Variants in CSMD1 observed in about 807,000 individuals in gnomAD.
CSMD1 encodes CUB and sushi domain-containing protein 1.
In CSMD1, 213 loss-of-function variants were observed where a neutral mutation model predicts 417.5. That is an observed-to-expected ratio of 0.51 (90% CI 0.46 to 0.57). The LOEUF is 0.57. Among genes scored for constraint, CSMD1 ranks in the 20% least tolerant of loss-of-function variants. The probability of loss-of-function intolerance (pLI) is 0.00; values close to 1 mark genes in which losing one functional copy is unlikely to be tolerated. For missense variants in CSMD1, 6,923 were observed against 4,529.7 expected, an observed-to-expected ratio of 1.53 and a Z score of -15.17; for synonymous variants, 2,862 against 1,736.8, an observed-to-expected ratio of 1.65 and a Z score of -16.11.
chr8:3,586,225 T>C lies in CSMD1; in HGVS notation c.1133A>G (p.Asn378Ser), dbSNP rs777685797. Residue 378 changes from asparagine to serine, a missense_variant, in exon 9 of 70, where the codon AAT becomes AGT. Physicochemically the swap from Asn to Ser is conservative, Grantham distance 46. Coordinates refer to ENST00000635120, the MANE Select transcript of CSMD1 (RefSeq NM_033225.6). ...GANVQFSCED[N>S]YVLQGSKSIT... ...GCTTTTAGATCCCTGGAGCACGTAA[T>C]TGTCCTCACATGAAAACTGTACATT... 1.8e-5 allele frequency: 29 copies of C among 1,612,284 alleles called. 1 individual carries two copies. The South Asian group carries it at 2.0e-4, about 11-fold the overall frequency.
At chr8:4,892,233 T>C (rs1176244874) in intron 1 of CSMD1, among the ~76,000 whole-genome samples, 4 of 152,102 alleles carry the variant, frequency 2.6e-5, no homozygotes, top group Non-Finnish European at 4.4e-5. Context: ...GCCAATAAAA[T>C]AGTGCTCTTC....
chr8:3,654,076 C>A lies in CSMD1; in HGVS notation c.1010-37279G>T, dbSNP rs58587540. 4.4e-3 allele frequency among the ~76,000 whole-genome samples: 676 copies of A among 152,238 alleles called. 4 individuals are homozygous for A. Among genetic ancestry groups the A allele is most frequent in the African/African-American group, 0.016 (663 of 41,528 alleles). Reference sequence around the variant, plus strand: ...AATTAGGCAGAAATCACTGTAATAACGTCTCTTTTCTGTTAGAGTAGAGGG... The same window carrying A: ...AATTAGGCAGAAATCACTGTAATAAAGTCTCTTTTCTGTTAGAGTAGAGGG... On this transcript the variant is annotated intron_variant, in intron 7 of 69. Coordinates refer to ENST00000635120, the MANE Select transcript of CSMD1 (RefSeq NM_033225.6).
chr8:4,330,226 T>TGTCAGATCCACCCGTCAGATCCACCC (rs926009052), intron 3 of CSMD1, among the ~76,000 whole-genome samples: 8 of 151,978 alleles, frequency 5.3e-5, no homozygotes, highest in Non-Finnish European at 1.2e-4. Context: ...CAGATCCACC[T>TGTCAGATCCACCCGTCAGATCCACCC]GTCAGATCCA....
At chr8:4,243,138 T>C (rs1320216097) in intron 3 of CSMD1, among the ~76,000 whole-genome samples, 1 of 151,936 alleles carries the variant, frequency 6.6e-6, no homozygotes, top group Non-Finnish European at 1.5e-5. Flanking sequence ...ATTGAGCAGT[T>C]GGAAAAAGGA....
At chr8:3,362,602 T>C (rs540551961) in intron 20 of CSMD1, among the ~76,000 whole-genome samples, 2 of 152,178 alleles carry the variant, frequency 1.3e-5, no homozygotes, top group Admixed American at 6.5e-5. Flanking sequence ...TCTTTTTCTT[T>C]AATATGATCC....
chr8:3,454,074 CT>C (rs1442107116), intron 12 of CSMD1, among the ~76,000 whole-genome samples: 1 of 151,392 alleles, frequency 6.6e-6, no homozygotes, highest in East Asian at 1.9e-4. Flanking sequence ...TAATGGCCTT[CT>C]TTGTCTCTTT....
At chr8:4,804,923 T>C (rs1237177781) in intron 1 of CSMD1, among the ~76,000 whole-genome samples, 2 of 152,296 alleles carry the variant, frequency 1.3e-5, no homozygotes, top group Admixed American at 1.3e-4. Context: ...AAGAAAACAC[T>C]TAAAGCGGTT....
At chr8:4,332,278 G>C (rs934577145) in intron 3 of CSMD1, among the ~76,000 whole-genome samples, 2 of 152,246 alleles carry the variant, frequency 1.3e-5, no homozygotes, top group Middle Eastern at 3.4e-3. Context: ...CCAAAGGGCT[G>C]TGCTCCAAGC....
At chr8:4,675,416 T>C (rs1462578131) in intron 1 of CSMD1, among the ~76,000 whole-genome samples, 1 of 152,196 alleles carries the variant, frequency 6.6e-6, no homozygotes, top group Non-Finnish European at 1.5e-5. Context: ...GCTGACTGTT[T>C]TTGTCATATT....
chr8:4,874,275 G>A (rs576072624), intron 1 of CSMD1, among the ~76,000 whole-genome samples: 9 of 151,948 alleles, frequency 5.9e-5, no homozygotes, highest in South Asian at 2.1e-4. Context: ...GCCTAAAATC[G>A]CATTCTAAAA....
At position 4,410,092 on chromosome 8, in the gene CSMD1, C is replaced by A. The variant is rs186483839; in HGVS notation, c.415+9861G>T. On this transcript the variant is annotated intron_variant, in intron 3 of 69. Transcript: ENST00000635120. Reference sequence around the variant, plus strand: ...GCCTCCCAAAGTGCTGGGATTACAGCCATGAGCCACCGTACCCGGTCCCAT... The same window carrying A: ...GCCTCCCAAAGTGCTGGGATTACAGACATGAGCCACCGTACCCGGTCCCAT... Among the ~76,000 whole-genome samples the A allele has an allele frequency of 2.6e-5, 4 of 152,218 alleles. No individual in the cohort carries two copies. The East Asian group carries it at 7.7e-4, about 29-fold the overall frequency.
chr8:4,892,672 T>C (rs1380021838), intron 1 of CSMD1, among the ~76,000 whole-genome samples: 3 of 152,094 alleles, frequency 2.0e-5, no homozygotes, highest in Non-Finnish European at 4.4e-5. Context: ...ACTTATGTTT[T>C]CTATGCATTC....
intron 3 of CSMD1, among the ~76,000 whole-genome samples, chr8:4,055,120 A>G (rs192927689): frequency 6.6e-6 from 1 of 152,202 alleles, no homozygotes; most frequent in Non-Finnish European, 1.5e-5. Context: ...TTTGTGTAGT[A>G]GATGATAGAA....
chr8:3,992,444 G>T (rs543352361), intron 5 of CSMD1, among the ~76,000 whole-genome samples: 15 of 152,268 alleles, frequency 9.9e-5, no homozygotes, highest in African/African-American at 3.1e-4. Flanking sequence ...GAGGTGCATA[G>T]CTTACAACAG....
intron 39 of CSMD1, among the ~76,000 whole-genome samples, chr8:3,156,085 T>C (rs1168827486): frequency 6.6e-6 from 1 of 152,224 alleles, no homozygotes; most frequent in Non-Finnish European, 1.5e-5. Flanking sequence ...TACGCCGAAA[T>C]GAATTCTAAA....
At chr8:4,981,574 T>G (rs979154990) in intron 1 of CSMD1, among the ~76,000 whole-genome samples, 1 of 152,246 alleles carries the variant, frequency 6.6e-6, no homozygotes, top group African/African-American at 2.4e-5. Flanking sequence ...TTATTATTTA[T>G]GTTTGTTCTT....
intron 3 of CSMD1, among the ~76,000 whole-genome samples, chr8:4,086,484 A>G (rs1800426313): frequency 6.6e-6 from 1 of 152,234 alleles, no homozygotes; most frequent in Admixed American, 6.5e-5. Context: ...CTGACTGTAC[A>G]TTCATGGAAT....
chr8:4,183,979 A>C (rs964663719), intron 3 of CSMD1, among the ~76,000 whole-genome samples: 12 of 152,210 alleles, frequency 7.9e-5, no homozygotes, highest in African/African-American at 2.7e-4. Context: ...AAATTCTCAG[A>C]GCCTCCGACA....
intron 7 of CSMD1, among the ~76,000 whole-genome samples, chr8:3,669,183 T>C (rs1261881181): frequency 2.6e-5 from 4 of 152,322 alleles, no homozygotes; most frequent in Non-Finnish European, 5.9e-5. Flanking sequence ...CATAAAGTTA[T>C]GTTTTAATTG....
Sources: allele counts gnomAD v4.1 joint callset (sites outside exome capture counted in the v4.1 genomes callset), GRCh38; gene constraint gnomAD v4.1.1; transcripts MANE v1.5; gene names NCBI Gene and HGNC (gene_info 2026-07-23, HGNC 2026-07-21).